Variants in LGR5 observed in about 807,000 individuals in gnomAD.
The protein encoded by LGR5 is leucine-rich repeat-containing G protein-coupled receptor 5.
Under a neutral mutation model 76.7 loss-of-function variants are expected in LGR5, and 54 were observed. The ratio of observed to expected loss-of-function variants is 0.70; its 90% CI spans 0.57 to 0.88. The LOEUF is 0.88. LGR5 is among the 40% of genes least tolerant of loss of function. The probability of loss-of-function intolerance (pLI) is 0.00; values close to 1 mark genes in which losing one functional copy is unlikely to be tolerated. For missense variants in LGR5, 1,078 were observed against 1,073.3 expected, an observed-to-expected ratio of 1.00 and a Z score of -0.06; for synonymous variants, 406 against 421.9, an observed-to-expected ratio of 0.96 and a Z score of 0.46.
chr12:71,559,606 T>C lies in LGR5; in HGVS notation c.737T>C (p.Leu246Pro). Residue 246 changes from leucine to proline, a missense_variant, in exon 7 of 18, where the codon CTT becomes CCT. Physicochemically the swap from Leu to Pro is moderately conservative, Grantham distance 98. Transcript: ENST00000266674. ...LETLDLNYNN[L>P]DEFPTAIRTL... ...TTCAGAGATTTAAATTACAATAACC[T>C]TGATGAATTCCCCACTGCAATTAGG... 1 of 1,574,206 alleles carries C rather than the reference T, an allele frequency of 6.4e-7. No individual in the cohort carries two copies. The highest frequency in any genetic ancestry group is 2.2e-5 in the East Asian group (1 of 44,552).
At chr12:71,462,758 T>C (rs1340863610) in intron 1 of LGR5, among the ~76,000 whole-genome samples, 1 of 152,172 alleles carries the variant, frequency 6.6e-6, no homozygotes, top group Non-Finnish European at 1.5e-5. Flanking sequence ...TTGCCAGTTT[T>C]GGCTGTGCCA....
chr12:71,516,690 G>C (rs985898121), intron 2 of LGR5, among the ~76,000 whole-genome samples: 3 of 152,036 alleles, frequency 2.0e-5, no homozygotes, highest in Non-Finnish European at 4.4e-5. Context: ...AAAGAAAATT[G>C]TACATTCTCC....
At chr12:71,496,748 G>C (rs1407346554) in intron 1 of LGR5, among the ~76,000 whole-genome samples, 1 of 152,152 alleles carries the variant, frequency 6.6e-6, no homozygotes, top group Non-Finnish European at 1.5e-5. Context: ...ACACTATGTT[G>C]CATTAAGAAG....
intron 3 of LGR5, among the ~76,000 whole-genome samples, chr12:71,527,168 C>T (rs919015022): frequency 2.6e-5 from 4 of 152,162 alleles, no homozygotes; most frequent in Admixed American, 6.5e-5. Flanking sequence ...TCAAGAGGAA[C>T]AAGATCCTGC....
At chr12:71,557,253 C>T (rs954000903) in intron 6 of LGR5, among the ~76,000 whole-genome samples, 1 of 152,106 alleles carries the variant, frequency 6.6e-6, no homozygotes, top group African/African-American at 2.4e-5. Context: ...CCACTGCACT[C>T]CAACCTGGGT....
Position 71,566,461 on chromosome 12 carries a change from T to G in LGR5, c.915T>G (p.Pro305=). The change falls in exon 9 of 18, where the codon CCT becomes CCG. Residue 305 remains proline, a synonymous_variant. Transcript: ENST00000266674. ...GGAGATCTGCTTTTCAACATTTACC[T>G]GAACTAAGAACACTGTAAGTTTCTA... ...FVGRSAFQHL[P]ELRTLTLNGA... 6.2e-7 allele frequency: 1 copy of G among 1,604,070 alleles called. No homozygotes were observed. The highest frequency in any genetic ancestry group is 8.5e-7 in the Non-Finnish European group (1 of 1,171,170).
At chr12:71,502,971 CAT>C (rs1292829686) in intron 1 of LGR5, among the ~76,000 whole-genome samples, 4 of 152,284 alleles carry the variant, frequency 2.6e-5, no homozygotes, top group African/African-American at 9.6e-5. Context: ...CTCTCCACAC[CAT>C]ATGTCTTGAT....
chr12:71,581,514 C>T (rs1218335246), intron 16 of LGR5, among the ~76,000 whole-genome samples: 1 of 152,230 alleles, frequency 6.6e-6, no homozygotes, highest in Non-Finnish European at 1.5e-5. Context: ...ATGATTCAGT[C>T]TGTCTGCAGA....
At chr12:71,578,165 G>T (rs1295712279) in intron 14 of LGR5, among the ~76,000 whole-genome samples, 169 bp downstream of exon 14, 2 of 152,150 alleles carry the variant, frequency 1.3e-5, no homozygotes, top group African/African-American at 2.4e-5. Flanking sequence ...GCTCCTCCAG[G>T]GCCACATGGG....
intron 7 of LGR5, 64 bp from the exon 8 acceptor site, chr12:71,561,716 TG>T (rs1878065949): frequency 3.5e-6 from 3 of 858,968 alleles, no homozygotes; most frequent in African/African-American, 3.4e-5. Flanking sequence ...GTGGTCAGGG[TG>T]GGGGCCTCTA....
chr12:71,498,695 G>C lies in LGR5; in HGVS notation c.213-5919G>C, dbSNP rs552652430. 2.0e-5 allele frequency among the ~76,000 whole-genome samples: 3 copies of C among 152,228 alleles called. No individual in the cohort carries two copies. The South Asian group carries it at 6.2e-4, about 32-fold the overall frequency. On this transcript the variant is annotated intron_variant, in intron 1 of 17. Coordinates refer to ENST00000266674, the MANE Select transcript of LGR5 (RefSeq NM_003667.4). The stretch of plus-strand genomic sequence containing the variant: ...TTCAGGGTTTAGCATATGAATTTGG[G>C]GGAACACAAACCTTCAGTTTATAAC...
chr12:71,443,914 A>ATTT (rs148323529), intron 1 of LGR5, among the ~76,000 whole-genome samples: 28 of 149,506 alleles, frequency 1.9e-4, no homozygotes, highest in South Asian at 4.2e-4. Flanking sequence ...AAGAGAAAAG[A>ATTT]TTTTTTTTTT....
chr12:71,457,793 G>A (rs1237440284), intron 1 of LGR5, among the ~76,000 whole-genome samples: 1 of 152,160 alleles, frequency 6.6e-6, no homozygotes, highest in Non-Finnish European at 1.5e-5. Context: ...TCACATGTGA[G>A]TTGTTGGAGG....
chr12:71,485,598 C>CTA (rs1224687207), intron 1 of LGR5, among the ~76,000 whole-genome samples: 1 of 151,668 alleles, frequency 6.6e-6, no homozygotes, highest in Non-Finnish European at 1.5e-5. Flanking sequence ...GGTGTGGTGG[C>CTA]ATTCACCAGT....
In LGR5 at chr12:71,577,925, G is replaced by C; in HGVS notation, c.1209G>C (p.Leu403=). The change falls in exon 14 of 18, where the codon CTG becomes CTC. Residue 403 remains leucine (L), a splice_region_variant and synonymous_variant. Coordinates refer to ENST00000266674, the MANE Select transcript of LGR5 (RefSeq NM_003667.4). ...TFQQLLSLRS[L]NLAWNKIAII... ...TCTCATTTGCCTTTTTTTACAATAGGAATTTGGCTTGGAACAAAATTGCTA... is the reference window on the plus strand; with the variant it reads ...TCTCATTTGCCTTTTTTTACAATAGCAATTTGGCTTGGAACAAAATTGCTA... 2.5e-6 allele frequency: 4 copies of C among 1,608,580 alleles called. No homozygotes were observed. Among genetic ancestry groups the C allele is most frequent in the Non-Finnish European group, 3.4e-6 (4 of 1,175,414 alleles).
chr12:71,549,027 A>G (rs1433470921), intron 4 of LGR5, among the ~76,000 whole-genome samples: 1 of 152,166 alleles, frequency 6.6e-6, no homozygotes. Flanking sequence ...AAAATATTGC[A>G]TTTTTCAAGC....
intron 1 of LGR5, among the ~76,000 whole-genome samples, chr12:71,481,549 T>A (rs10879289): frequency 0.85 from 130,074 of 152,182 alleles, 55,907 homozygotes; most frequent in African/African-American, 0.94. Context: ...TAGTGCTGCA[T>A]TAAACATATG....
intron 7 of LGR5, 72 bp from the exon 8 acceptor site, chr12:71,561,709 G>A (rs1006348303): frequency 3.9e-6 from 3 of 768,086 alleles, no homozygotes; most frequent in East Asian, 2.8e-5. Context: ...TGCCACTGTG[G>A]TCAGGGTGGG....
intron 1 of LGR5, among the ~76,000 whole-genome samples, chr12:71,481,862 C>A (rs892966592): frequency 9.2e-5 from 14 of 151,860 alleles, no homozygotes; most frequent in Non-Finnish European, 1.0e-4. Flanking sequence ...TATTATGGAA[C>A]CATTAGGTGC....
Sources: gnomAD v4.1 joint callset for allele counts (sites outside exome capture counted in the v4.1 genomes callset) on GRCh38, gnomAD v4.1.1 for gene constraint, MANE v1.5 for transcripts, NCBI Gene and HGNC (gene_info 2026-07-23, HGNC 2026-07-21) for gene names.